The following PLN variants were observed in gnomAD, a reference collection of about 807,000 sequenced individuals.
The protein encoded by PLN is phospholamban, also known as cardiac phospholamban.
A neutral mutation model predicts 3.9 loss-of-function variants in PLN; 1 was observed. The ratio of observed to expected loss-of-function variants is 0.26; its 90% CI spans 0.09 to 1.23. PLN has a LOEUF of 1.23. Ranked by LOEUF, PLN falls within the 50% of genes most tolerant of loss-of-function variation. The pLI is 0.48. For missense variants in PLN, 59 were observed against 62.7 expected (o/e 0.94, Z 0.20); for synonymous variants, 21 against 20.5 (o/e 1.02, Z -0.07).
Position 118,559,669 on chromosome 6 carries a change from A to C in PLN, c.*589A>C, listed in dbSNP as rs1209197835. ...ATTGTATTTTTTCTATGCCACATTAACATCTTTTAAAGTTGATGAGAATCA... is the reference window on the plus strand; with the variant it reads ...ATTGTATTTTTTCTATGCCACATTACCATCTTTTAAAGTTGATGAGAATCA... On this transcript the variant is annotated 3_prime_UTR_variant, in exon 2 of 2. Transcript: ENST00000357525. 5.9e-6 allele frequency: 1 copy of C among 169,536 alleles called. No homozygotes were observed. The highest frequency in any genetic ancestry group is 6.3e-5 in the Admixed American group (1 of 15,800). The allele number at this position is 169,536 out of a possible 1,614,324, so 10.5% of individuals were successfully genotyped here.
At chr6:118,552,704 G>A (rs1022160880) in intron 1 of PLN, among the ~76,000 whole-genome samples, 2 of 150,814 alleles carry the variant, frequency 1.3e-5, no homozygotes, top group East Asian at 3.9e-4. Context: ...AGGAAAGGAC[G>A]ACAACCAAAG....
intron 1 of PLN, among the ~76,000 whole-genome samples, chr6:118,549,262 A>C (rs1418714355): frequency 6.6e-6 from 1 of 151,860 alleles, no homozygotes; most frequent in Non-Finnish European, 1.5e-5. Context: ...GTGGTACTCC[A>C]TTTCCTCTCT....
chr6:118,561,167 G>A lies in PLN; in HGVS notation c.*2087G>A, dbSNP rs930608697. Among the ~76,000 whole-genome samples the A allele has an allele frequency of 2.6e-4, 39 of 152,090 alleles. No homozygotes were observed. The highest frequency in any genetic ancestry group is 9.2e-4 in the African/African-American group (38 of 41,426). ...GAAGGGCAGAGATTTCTTAAGTGAC[G>A]CCTCATCTACAAGCTGGAAATTCCT... On this transcript the variant is annotated 3_prime_UTR_variant, in exon 2 of 2. Transcript: ENST00000357525.
At chr6:118,557,772 A>G (rs1027700353) in intron 1 of PLN, among the ~76,000 whole-genome samples, 21 of 152,204 alleles carry the variant, frequency 1.4e-4, no homozygotes, top group African/African-American at 4.8e-4. Flanking sequence ...GATCATACAA[A>G]TGCATGACAA....
chr6:118,555,546 A>C (rs537650788), intron 1 of PLN, among the ~76,000 whole-genome samples: 1 of 152,360 alleles, frequency 6.6e-6, no homozygotes, highest in Admixed American at 6.5e-5. Flanking sequence ...AGCAACTTAA[A>C]GGATGAATCT....
rs1456541327 is a variant in PLN at position 118,559,866 on chromosome 6, C to CTTA, written c.*787_*788insTAT. 2.4e-5 allele frequency: 4 copies of CTTA among 166,952 alleles called. No homozygotes were observed. In the Admixed American group the frequency reaches 2.6e-4, roughly 11 times the overall value. The allele number at this position is 166,952 out of a possible 1,614,324, so 10.3% of individuals were successfully genotyped here. ...TGTGACAGTGAGATTAGTCATATCA[C>CTTA]TAATATACTAACAACAGAATCTAAT... is the stretch of plus-strand genomic sequence containing the variant. On this transcript the variant is annotated 3_prime_UTR_variant, in exon 2 of 2. Transcript: ENST00000357525.
In PLN at chr6:118,551,686, T is replaced by A. The variant is rs149050437; in HGVS notation, c.-98+3294T>A. On this transcript the variant is annotated intron_variant, in intron 1 of 1. Transcript: ENST00000357525. The stretch of plus-strand genomic sequence containing the variant: ...TGAGAAGCACTTCATTATGGGTCAA[T>A]TTAGGAATGAGAATATATTGATTTT... Among the ~76,000 whole-genome samples, 18 of 152,136 alleles carry A rather than the reference T, an allele frequency of 1.2e-4. No individual in the cohort carries two copies. The East Asian group carries it at 3.5e-3, about 29-fold the overall frequency.
Position 118,558,902 on chromosome 6 carries a change from C to T in PLN, c.-20C>T. On this transcript the variant is annotated 5_prime_UTR_variant, in exon 2 of 2. Transcript: ENST00000357525. Reference sequence around the variant, plus strand: ...TCTCTCGACCACTTAAAACTTCAGACTTCCTGTCCTGCTGGTATCATGGAG... The same window carrying T: ...TCTCTCGACCACTTAAAACTTCAGATTTCCTGTCCTGCTGGTATCATGGAG... 6.2e-7 allele frequency: 1 copy of T among 1,610,416 alleles called. No individual in the cohort carries two copies. The highest frequency in any genetic ancestry group is 8.5e-7 in the Non-Finnish European group (1 of 1,176,722).
chr6:118,559,072 CTTCTCTG>C lies in PLN; in HGVS notation c.152_158del (p.Leu51GlnfsTer16). Reference sequence around the variant, plus strand: ...CTTGCTGATCTGTATCATCGTGATGCTTCTCTGAAGTTCTGCTACAACCTCTAGATCT... The same window carrying C: ...CTTGCTGATCTGTATCATCGTGATGCAAGTTCTGCTACAACCTCTAGATCT... On this transcript the variant is annotated frameshift_variant and stop_lost, in exon 2 of 2. Transcript: ENST00000357525. LOFTEE classifies it high-confidence loss of function. 1 of 1,610,664 alleles carries C rather than the reference CTTCTCTG, an allele frequency of 6.2e-7. No individual in the cohort carries two copies. The highest frequency in any genetic ancestry group is 8.5e-7 in the Non-Finnish European group (1 of 1,176,816).
chr6:118,554,901 G>A (rs143814962), intron 1 of PLN, among the ~76,000 whole-genome samples: 203 of 152,282 alleles, frequency 1.3e-3, no homozygotes, highest in African/African-American at 4.5e-3. Flanking sequence ...TGTTTCATGT[G>A]ACTGAAGTAC....
chr6:118,552,912 T>C (rs1053012003), intron 1 of PLN, among the ~76,000 whole-genome samples: 68 of 152,168 alleles, frequency 4.5e-4, no homozygotes, highest in African/African-American at 1.6e-3. Context: ...ATGTTTTCAA[T>C]ACTCTTGATT....
At chr6:118,550,043 T>TA (rs545006735) in intron 1 of PLN, among the ~76,000 whole-genome samples, 101 of 151,920 alleles carry the variant, frequency 6.6e-4, no homozygotes, top group African/African-American at 2.1e-3. Flanking sequence ...AAGTAAGTGC[T>TA]AAAAAAAGTG....
intron 1 of PLN, among the ~76,000 whole-genome samples, chr6:118,553,153 A>T (rs1447082802): frequency 1.2e-4 from 18 of 151,736 alleles, no homozygotes; most frequent in Non-Finnish European, 2.7e-4. Flanking sequence ...ATAAAACTAA[A>T]CTATTTTTGT....
intron 1 of PLN, among the ~76,000 whole-genome samples, chr6:118,550,725 G>A (rs146619427): frequency 4.7e-4 from 71 of 151,878 alleles, no homozygotes; most frequent in African/African-American, 1.6e-3. Context: ...CCATGACACT[G>A]ACAAACAAAA....
rs73526175 is a variant in PLN at position 118,558,619 on chromosome 6, G to A, written c.-97-206G>A. On this transcript the variant is annotated intron_variant, in intron 1 of 1. Coordinates refer to ENST00000357525, the MANE Select transcript of PLN (RefSeq NM_002667.5). Reference sequence around the variant, plus strand: ...AAGAGAGACAGACACATAGAAACACGTGCACATACACACACACACACACAC... The same window carrying A: ...AAGAGAGACAGACACATAGAAACACATGCACATACACACACACACACACAC... 1.3e-4 allele frequency among the ~76,000 whole-genome samples: 11 copies of A among 85,174 alleles called. No homozygotes were observed. The South Asian group carries it at 2.0e-3, about 16-fold the overall frequency. The allele number at this position is 85,174 out of a possible 152,430, so 55.9% of individuals were successfully genotyped here. A position where few individuals can be genotyped will look rare whatever the true frequency, so the allele number is the denominator to read the frequency against.
chr6:118,554,348 T>A (rs183445884), intron 1 of PLN, among the ~76,000 whole-genome samples: 2 of 152,314 alleles, frequency 1.3e-5, no homozygotes, highest in East Asian at 3.9e-4. Flanking sequence ...GGTCTCATTA[T>A]GTTGCCCAAG....
chr6:118,548,677 G>A (rs1778352119), intron 1 of PLN, among the ~76,000 whole-genome samples: 1 of 152,008 alleles, frequency 6.6e-6, no homozygotes, highest in Admixed American at 6.6e-5. Flanking sequence ...CTTTTCAAAT[G>A]TGAATTTCTG....
At chr6:118,553,145 AAAACT>A (rs1405178156) in intron 1 of PLN, among the ~76,000 whole-genome samples, 3 of 152,040 alleles carry the variant, frequency 2.0e-5, no homozygotes, top group Non-Finnish European at 2.9e-5. Flanking sequence ...ACATGAAAAT[AAAACT>A]AAACTATTTT....
chr6:118,556,699 G>C (rs978786763), intron 1 of PLN, among the ~76,000 whole-genome samples: 2 of 152,058 alleles, frequency 1.3e-5, no homozygotes, highest in Non-Finnish European at 2.9e-5. Flanking sequence ...GTAATATGTT[G>C]ATTAACAATA....
Sources: allele counts gnomAD v4.1 joint callset (sites outside exome capture counted in the v4.1 genomes callset), GRCh38; gene constraint gnomAD v4.1.1; transcripts MANE v1.5; gene names NCBI Gene and HGNC (gene_info 2026-07-23, HGNC 2026-07-21).